Variants in RTN4IP1 observed in about 807,000 individuals in gnomAD.
RTN4IP1 encodes NAD(P)H oxidoreductase RTN4IP1, mitochondrial.
In RTN4IP1, 32 loss-of-function variants were observed where a neutral mutation model predicts 46.6. The ratio of observed to expected loss-of-function variants is 0.69; its 90% CI spans 0.52 to 0.92. The LOEUF (loss-of-function observed/expected upper bound fraction) is 0.92. Among genes scored for constraint, RTN4IP1 ranks in the 40% least tolerant of loss-of-function variants. The pLI is 0.00. For missense variants in RTN4IP1, 424 were observed against 485.8 expected (o/e 0.87, Z 1.20); for synonymous variants, 167 against 161.8 (o/e 1.03, Z -0.24).
intron 4 of RTN4IP1, among the ~76,000 whole-genome samples, chr6:106,605,816 C>CACAAAAAAA (rs1776053742): frequency 6.7e-4 from 3 of 4,490 alleles, no homozygotes; most frequent in African/African-American, 1.2e-3. Context: ...GACTCTGTCC[C>CACAAAAAAA]AAAAAAAAAA....
At chr6:106,597,423 C>A (rs1775823579) in intron 5 of RTN4IP1, among the ~76,000 whole-genome samples, 1 of 152,168 alleles carries the variant, frequency 6.6e-6, no homozygotes, top group Non-Finnish European at 1.5e-5. Context: ...CAGCTCACTG[C>A]AGCCTCGACC....
intron 7 of RTN4IP1, 42 bp from the exon 8 acceptor site, chr6:106,583,462 T>A (rs771069238): frequency 2.0e-6 from 3 of 1,506,564 alleles, no homozygotes; most frequent in Admixed American, 3.5e-5. Flanking sequence ...CAGAAAAACA[T>A]AAAATCTGAC....
intron 5 of RTN4IP1, among the ~76,000 whole-genome samples, chr6:106,593,837 T>C (rs1286625695): frequency 6.6e-6 from 1 of 152,228 alleles, no homozygotes; most frequent in African/African-American, 2.4e-5. Context: ...CACTTGAGTG[T>C]AATGATACGT....
At chr6:106,612,384 CAAAAAAAAAAAAAAA>C (rs1180927898) in intron 4 of RTN4IP1, among the ~76,000 whole-genome samples, 4 of 18,918 alleles carry the variant, frequency 2.1e-4, no homozygotes, top group East Asian at 3.3e-3. Context: ...AAGACTCCGT[CAAAAAAAAAAAAAAA>C]AAAAAAAAAA....
chr6:106,629,884 T>G (rs1327381821), upstream of RTN4IP1, among the ~76,000 whole-genome samples: 3 of 152,052 alleles, frequency 2.0e-5, no homozygotes, highest in Non-Finnish European at 4.4e-5. Flanking sequence ...CATTCAGGAG[T>G]TAGGACCTTA....
intron 4 of RTN4IP1, 118 bp from the exon 5 acceptor site, chr6:106,603,040 G>T: frequency 1.5e-6 from 1 of 681,892 alleles, no homozygotes; most frequent in Non-Finnish European, 2.3e-6. Flanking sequence ...AGAAAATAAA[G>T]TTATTCAGCT....
At chr6:106,619,761 G>A (rs1463382899) in intron 3 of RTN4IP1, among the ~76,000 whole-genome samples, 6 of 150,066 alleles carry the variant, frequency 4.0e-5, no homozygotes, top group South Asian at 2.1e-4. Flanking sequence ...ACAGGCGCCC[G>A]CCACTGCGCC....
At chr6:106,610,360 G>A (rs984429271) in intron 4 of RTN4IP1, among the ~76,000 whole-genome samples, 5 of 151,970 alleles carry the variant, frequency 3.3e-5, no homozygotes, top group Non-Finnish European at 4.4e-5. Context: ...CACCGCACCC[G>A]GCGGCAAAAT....
Position 106,602,875 on chromosome 6 carries a change from T to C in RTN4IP1, c.668A>G (p.Gln223Arg), listed in dbSNP as rs768560241. The part of the protein sequence containing the change: ...ASGGVGTFAI[Q>R]VMKAWDAHVT... ...CACAAGATTAAAAAATGGTTTTACC[T>C]GTATAGCAAAAGTACCAACTCCGCC... The change falls in exon 5 of 9, where the codon CAG (glutamine) becomes CGG (arginine). Residue 223 changes from glutamine to arginine, a missense_variant and splice_region_variant. Transcript: ENST00000369063. 6.3e-7 allele frequency: 1 copy of C among 1,598,132 alleles called. No individual in the cohort carries two copies. The highest frequency in any genetic ancestry group is 8.5e-7 in the Non-Finnish European group (1 of 1,173,722).
At chr6:106,627,106 T>C (rs1434493710) in intron 1 of RTN4IP1, among the ~76,000 whole-genome samples, 2 of 149,378 alleles carry the variant, frequency 1.3e-5, no homozygotes, top group East Asian at 3.9e-4. Context: ...TCAGATATCT[T>C]CTGCAATGAC....
intron 2 of RTN4IP1, 88 bp from the exon 3 acceptor site, chr6:106,621,581 CCT>C: frequency 9.5e-7 from 1 of 1,052,186 alleles, no homozygotes; most frequent in South Asian, 1.3e-5. Flanking sequence ...TAATATATAC[CCT>C]GTGCTGTGAA....
chr6:106,586,475 C>A (rs1775487107), intron 7 of RTN4IP1, among the ~76,000 whole-genome samples: 1 of 152,118 alleles, frequency 6.6e-6, no homozygotes, highest in Admixed American at 6.5e-5. Context: ...AGACTCAAAC[C>A]ATCCTCTGGC....
chr6:106,580,718 C>CAAA (rs761745131), intron 8 of RTN4IP1, among the ~76,000 whole-genome samples: 4 of 99,726 alleles, frequency 4.0e-5, no homozygotes, highest in Non-Finnish European at 4.0e-5. Flanking sequence ...GACTCTGTCT[C>CAAA]AAAGAAAAAA....
intron 4 of RTN4IP1, among the ~76,000 whole-genome samples, chr6:106,612,847 AG>A (rs1375155253): frequency 6.6e-6 from 1 of 152,184 alleles, no homozygotes; most frequent in East Asian, 1.9e-4. Context: ...CCTAGCCAAT[AG>A]GGGAATGACA....
intron 4 of RTN4IP1, among the ~76,000 whole-genome samples, chr6:106,603,692 A>T (rs1322934852): frequency 6.6e-6 from 1 of 152,232 alleles, no homozygotes; most frequent in Non-Finnish European, 1.5e-5. Flanking sequence ...TAGACCTATC[A>T]TCTATTTCCC....
intron 4 of RTN4IP1, among the ~76,000 whole-genome samples, chr6:106,606,355 G>A (rs1776073391): frequency 6.6e-6 from 1 of 152,156 alleles, no homozygotes; most frequent in African/African-American, 2.4e-5. Context: ...GGAAGGCGGA[G>A]GTTGCAGTGA....
chr6:106,590,482 C>T lies in RTN4IP1; in HGVS notation c.806+1682G>A, dbSNP rs140130822. Among the ~76,000 whole-genome samples the T allele has an allele frequency of 1.8e-3, 272 of 151,702 alleles. 1 individual carries two copies. The highest frequency in any genetic ancestry group is 6.3e-3 in the African/African-American group (261 of 41,344). On this transcript the variant is annotated intron_variant, in intron 6 of 8. Transcript: ENST00000369063. The stretch of plus-strand genomic sequence containing the variant: ...CTGTAATCCCAGCACTTTGCAAGGC[C>T]GAGACAGGTGGATCACGGGGTCAGG...
At chr6:106,597,753 G>C (rs1440177603) in intron 5 of RTN4IP1, among the ~76,000 whole-genome samples, 1 of 148,808 alleles carries the variant, frequency 6.7e-6, no homozygotes, top group African/African-American at 2.5e-5. Context: ...GTGCAGGTTA[G>C]TTACATATGT....
chr6:106,588,353 A>G (rs4946771), intron 6 of RTN4IP1, among the ~76,000 whole-genome samples: 141,281 of 152,308 alleles, frequency 0.93, 66,087 homozygotes, highest in Non-Finnish European at 1. Flanking sequence ...TGAAAGTAAA[A>G]TATGAGATTT....
Sources: allele counts gnomAD v4.1 joint callset (sites outside exome capture counted in the v4.1 genomes callset), GRCh38; gene constraint gnomAD v4.1.1; transcripts MANE v1.5; gene names NCBI Gene and HGNC (gene_info 2026-07-23, HGNC 2026-07-21).